Variants in MPRIP observed in about 807,000 individuals in gnomAD.
MPRIP encodes the protein myosin phosphatase Rho-interacting protein.
Under a neutral mutation model 234.9 loss-of-function variants are expected in MPRIP, and 59 were observed. The observed-to-expected ratio is 0.25, with a 90% confidence interval of 0.20 to 0.31. MPRIP has a LOEUF of 0.31. MPRIP is among the 10% of genes least tolerant of loss of function. MPRIP has a pLI of 1.00. For synonymous variants in MPRIP, 1,144 were observed against 1,263.9 expected (o/e 0.91, Z 2.01); for missense variants, 2,436 against 3,071.0 (o/e 0.79, Z 4.89).
chr17:17,146,338 C>T (rs192391719), intron 10 of MPRIP, among the ~76,000 whole-genome samples: 2 of 152,196 alleles, frequency 1.3e-5, no homozygotes, highest in African/African-American at 2.4e-5. Flanking sequence ...TGATGGCAAG[C>T]GGGTGTTGGC....
In MPRIP at chr17:17,105,840, A is replaced by G. The variant is rs536141177; in HGVS notation, c.268-20862A>G. Among the ~76,000 whole-genome samples the G allele has an allele frequency of 1.8e-4, 27 of 152,278 alleles. 1 individual carries two copies. Among genetic ancestry groups the G allele is most frequent in the South Asian group, 4.1e-4 (2 of 4,832 alleles). ...GATCTTTATAATAGTTTTGATCTTT[A>G]TTTAGGGTTAGGATTAGGTTAAGGT... On this transcript the variant is annotated intron_variant, in intron 3 of 23. Transcript: ENST00000651222.
chr17:17,131,147 T>G (rs1263831547), intron 4 of MPRIP, among the ~76,000 whole-genome samples: 1 of 152,164 alleles, frequency 6.6e-6, no homozygotes, highest in Admixed American at 6.5e-5. Context: ...CTGCAGGGAC[T>G]GTGGGAGTTC....
Position 17,057,708 on chromosome 17 carries a change from A to G in MPRIP, c.123+14737A>G, listed in dbSNP as rs777449333. 7.0e-6 allele frequency: 5 copies of G among 718,064 alleles called. No homozygotes were observed. In the South Asian group the frequency reaches 7.4e-5, roughly 11 times the overall value. 44.5% of individuals were successfully genotyped at this position (718,064 alleles called of 1,614,324 possible). ...TGCACGAATGTTCTCATGTTGAAGG[A>G]CAGGAAGAGGAATGGCATCAGCTAT... On this transcript the variant is annotated intron_variant, in intron 1 of 23. Coordinates refer to ENST00000651222, the MANE Select transcript of MPRIP (RefSeq NM_001364716.4).
In MPRIP at chr17:17,154,110, C is replaced by T. The variant is rs538643336; in HGVS notation, c.1720-196C>T. Among the ~76,000 whole-genome samples the T allele has an allele frequency of 3.9e-5, 6 of 152,286 alleles. No homozygotes were observed. In the South Asian group the frequency reaches 1.2e-3, roughly 32 times the overall value. Reference sequence around the variant, plus strand: ...CATTGCCACAAATACACGTCCCTCCCACAGCTTTGACGTCTCCTGCTCTCC... The same window carrying T: ...CATTGCCACAAATACACGTCCCTCCTACAGCTTTGACGTCTCCTGCTCTCC... On this transcript the variant is annotated intron_variant, in intron 12 of 23. Coordinates refer to ENST00000651222, the MANE Select transcript of MPRIP (RefSeq NM_001364716.4).
chr17:17,129,394 TTTG>T (rs1474170708), intron 4 of MPRIP, among the ~76,000 whole-genome samples: 2 of 152,210 alleles, frequency 1.3e-5, no homozygotes, highest in Admixed American at 1.3e-4. Context: ...TGGGGTTTGT[TTTG>T]TTAACATTTA....
Position 17,073,215 on chromosome 17 carries a change from C to T in MPRIP, c.124-2495C>T, listed in dbSNP as rs571837583. 7.2e-5 allele frequency among the ~76,000 whole-genome samples: 11 copies of T among 152,198 alleles called. No homozygotes were observed. In the East Asian group the frequency reaches 1.5e-3, roughly 21 times the overall value. The stretch of plus-strand genomic sequence containing the variant: ...CCTGCTCCTCCACCCAGAGGCCCTA[C>T]ATCTCGCTCTCTGCTCTGTGTCTGC... On this transcript the variant is annotated intron_variant, in intron 1 of 23. Coordinates refer to ENST00000651222, the MANE Select transcript of MPRIP (RefSeq NM_001364716.4).
chr17:17,156,826 C>G (rs1013442344), intron 13 of MPRIP, among the ~76,000 whole-genome samples: 8 of 152,258 alleles, frequency 5.3e-5, no homozygotes, highest in Non-Finnish European at 1.0e-4. Flanking sequence ...CGTGCTCTTA[C>G]AGTGGACACC....
chr17:17,043,100 C>T (rs2088231089), intron 1 of MPRIP, 129 bp downstream of exon 1: 2 of 878,474 alleles, frequency 2.3e-6, no homozygotes, highest in South Asian at 1.5e-5. Flanking sequence ...GGCATGGGGA[C>T]GGGGACGGGA....
intron 1 of MPRIP, among the ~76,000 whole-genome samples, chr17:17,059,153 A>G (rs574174075): frequency 1.3e-5 from 2 of 152,356 alleles, no homozygotes; most frequent in South Asian, 2.1e-4. Flanking sequence ...AACTTTTCTA[A>G]GACAAAAATT....
intron 22 of MPRIP, 45 bp downstream of exon 22, chr17:17,177,457 A>AC: frequency 6.3e-7 from 1 of 1,592,884 alleles, no homozygotes; most frequent in East Asian, 2.3e-5. Context: ...TGGGGGGCTT[A>AC]TGGGGGTTTG....
chr17:17,072,363 C>T (rs1159604839), intron 1 of MPRIP, among the ~76,000 whole-genome samples: 4 of 152,224 alleles, frequency 2.6e-5, no homozygotes, highest in Admixed American at 1.3e-4. Context: ...CTCACCTCCA[C>T]TCCCTCTGCA....
At chr17:17,081,568 C>T (rs2089462836) in intron 3 of MPRIP, among the ~76,000 whole-genome samples, 1 of 152,192 alleles carries the variant, frequency 6.6e-6, no homozygotes, top group African/African-American at 2.4e-5. Flanking sequence ...TACCTCAGCC[C>T]CACTGGGTTG....
intron 19 of MPRIP, among the ~76,000 whole-genome samples, chr17:17,174,512 AT>A (rs1410864385): frequency 2.0e-5 from 3 of 152,144 alleles, no homozygotes; most frequent in African/African-American, 7.2e-5. Flanking sequence ...TACGGCTCAC[AT>A]TTATTTTTGT....
chr17:17,181,296 A>C (rs2046370064), intron 23 of MPRIP, among the ~76,000 whole-genome samples: 1 of 152,186 alleles, frequency 6.6e-6, no homozygotes, highest in South Asian at 2.1e-4. Context: ...CACCCTGAGA[A>C]TGAGTAGTTG....
Position 17,165,944 on chromosome 17 carries a change from G to A in MPRIP, c.4353G>A (p.Arg1451=), listed in dbSNP as rs1173201215. 1 of 1,304,306 alleles carries A rather than the reference G, an allele frequency of 7.7e-7. No individual in the cohort carries two copies. The highest frequency in any genetic ancestry group is 1.2e-5 in the South Asian group (1 of 81,008). The allele number at this position is 1,304,306 out of a possible 1,614,324, so 80.8% of individuals were successfully genotyped here. Residue 1451 remains arginine, a synonymous_variant, in exon 16 of 24, where the codon AGG becomes AGA. Coordinates refer to ENST00000651222, the MANE Select transcript of MPRIP (RefSeq NM_001364716.4). ...TGGCCTCCCAGCTGGAGCAGGAGAGGCAGGAGAGGGCCAGGAGGGTTGAAG... is the reference window on the plus strand; with the variant it reads ...TGGCCTCCCAGCTGGAGCAGGAGAGACAGGAGAGGGCCAGGAGGGTTGAAG... The part of the protein sequence containing the change: ...GALASQLEQE[R]QERARRVEGH...
At chr17:17,090,718 C>T (rs2089695253) in intron 3 of MPRIP, among the ~76,000 whole-genome samples, 1 of 152,184 alleles carries the variant, frequency 6.6e-6, no homozygotes, top group Admixed American at 6.5e-5. Context: ...GCATTTAATC[C>T]TGAAAATGGT....
chr17:17,138,059 A>G lies in MPRIP; in HGVS notation c.880A>G (p.Ser294Gly). 6.8e-7 allele frequency: 1 copy of G among 1,478,010 alleles called. No homozygotes were observed. Among genetic ancestry groups the G allele is most frequent in the Non-Finnish European group, 9.1e-7 (1 of 1,094,106 alleles). The allele number at this position is 1,478,010 out of a possible 1,614,324, so 91.6% of individuals were successfully genotyped here. Reference sequence around the variant, plus strand: ...CCCGCCGCTCTCCCCTCCCAGCCCCAGCACCCCCAACCACAGGTACAGTTG... The same window carrying G: ...CCCGCCGCTCTCCCCTCCCAGCCCCGGCACCCCCAACCACAGGTACAGTTG... ...LPPPLSPPSP[S>G]TPNHRYSCPE... The change falls in exon 7 of 24, where the codon AGC (serine) becomes GGC (glycine). Residue 294 changes from serine (S) to glycine (G), a missense_variant. Physicochemically the swap from Ser to Gly is moderately conservative, Grantham distance 56 (BLOSUM62 0). Coordinates refer to ENST00000651222, the MANE Select transcript of MPRIP (RefSeq NM_001364716.4). The surrounding 1 kb of genome is among the most constrained non-coding windows in gnomAD (Gnocchi z 5.8).
At chr17:17,089,740 A>T (rs1307528720) in intron 3 of MPRIP, among the ~76,000 whole-genome samples, 1 of 152,092 alleles carries the variant, frequency 6.6e-6, no homozygotes, top group Non-Finnish European at 1.5e-5. Context: ...GCCCTGATGG[A>T]TGACATAGTC....
rs535409913 is a variant in MPRIP at position 17,052,116 on chromosome 17, G to A, written c.123+9145G>A. 2.5e-4 allele frequency among the ~76,000 whole-genome samples: 38 copies of A among 152,288 alleles called. No homozygotes were observed. The South Asian group carries it at 7.2e-3, about 29-fold the overall frequency. The stretch of plus-strand genomic sequence containing the variant: ...CCCTGAGTTTTCAGAGTGGTTGAGC[G>A]GCCTGCCCAAGGTCACTGAGCTGCT... On this transcript the variant is annotated intron_variant, in intron 1 of 23. Transcript: ENST00000651222.
Sources: allele counts gnomAD v4.1 joint callset (sites outside exome capture counted in the v4.1 genomes callset), GRCh38; gene constraint gnomAD v4.1.1; non-coding constraint Gnocchi (gnomAD v3.1); transcripts MANE v1.5; gene names NCBI Gene and HGNC (gene_info 2026-07-23, HGNC 2026-07-21).